The following PYROXD1 variants were observed in gnomAD, a reference collection of about 807,000 sequenced individuals.
PYROXD1 encodes the protein pyridine nucleotide-disulphide oxidoreductase domain 1, also known as tRNA ligase complex-associated NAD(P)H dehydrogenase PYROXD1.
Under a neutral mutation model 62.0 loss-of-function variants are expected in PYROXD1, and 42 were observed. That is an observed-to-expected ratio of 0.68 (90% CI 0.53 to 0.88). PYROXD1 has a LOEUF of 0.88. PYROXD1 is among the 40% of genes least tolerant of loss of function. The probability of loss-of-function intolerance (pLI) is 0.00; values close to 1 mark genes in which losing one functional copy is unlikely to be tolerated. For missense variants in PYROXD1, 493 were observed against 604.8 expected, an observed-to-expected ratio of 0.82 and a Z score of 1.94; for synonymous variants, 170 against 206.4, an observed-to-expected ratio of 0.82 and a Z score of 1.51.
intron 6 of PYROXD1, 68 bp downstream of exon 6, chr12:21,455,360 C>A: frequency 2.1e-6 from 2 of 973,082 alleles, no homozygotes; most frequent in Non-Finnish European, 2.8e-6. Flanking sequence ...AAAAGGGCTA[C>A]AAGAAAATTT....
At position 21,468,544 on chromosome 12, in the gene PYROXD1, T is replaced by C. The variant is rs886237484; in HGVS notation, c.1293T>C (p.Gly431=). ...GAAAATACAATGCACAGGGCTTAGG[T>C]TCAGATCATGAATTAATGCTGAGAT... ...LLGKYNAQGL[G]SDHELMLRCT... Residue 431 remains glycine, a synonymous_variant, in exon 12 of 12, where the codon GGT becomes GGC. Transcript: ENST00000240651. 2.5e-6 allele frequency: 4 copies of C among 1,612,732 alleles called. No individual in the cohort carries two copies. Among genetic ancestry groups the C allele is most frequent in the Non-Finnish European group, 3.4e-6 (4 of 1,179,170 alleles).
chr12:21,469,094 G>A lies in PYROXD1; in HGVS notation c.*340G>A. The A allele has an allele frequency of 1.1e-5, 2 of 179,908 alleles. No individual in the cohort carries two copies. The highest frequency in any genetic ancestry group is 2.3e-5 in the Non-Finnish European group (2 of 85,120). 11.1% of individuals were successfully genotyped at this position (179,908 alleles called of 1,614,324 possible). On this transcript the variant is annotated 3_prime_UTR_variant, in exon 12 of 12. Coordinates refer to ENST00000240651, the MANE Select transcript of PYROXD1 (RefSeq NM_024854.5). Reference sequence around the variant, plus strand: ...TAGCCAAATGTACTCTAGTAGACTAGAACCATTCTTTGTGAAATGTCAAAA... The same window carrying A: ...TAGCCAAATGTACTCTAGTAGACTAAAACCATTCTTTGTGAAATGTCAAAA...
intron 3 of PYROXD1, among the ~76,000 whole-genome samples, chr12:21,445,913 G>T (rs548758072): frequency 6.8e-4 from 103 of 152,216 alleles, no homozygotes; most frequent in African/African-American, 2.4e-3. Flanking sequence ...TAAAATGAGG[G>T]GGGTATTAAC....
chr12:21,462,400 A>G (rs1345056463), intron 9 of PYROXD1, among the ~76,000 whole-genome samples: 1 of 152,174 alleles, frequency 6.6e-6, no homozygotes, highest in Non-Finnish European at 1.5e-5. Context: ...GTGACTTCTC[A>G]AAAATGATTC....
At chr12:21,442,401 G>T (rs1292848597) in intron 2 of PYROXD1, among the ~76,000 whole-genome samples, 3 of 152,234 alleles carry the variant, frequency 2.0e-5, no homozygotes, top group African/African-American at 7.2e-5. Flanking sequence ...CAGAGTTACA[G>T]CAGCTTCAGT....
chr12:21,468,388 A>G, intron 11 of PYROXD1, 118 bp from the exon 12 acceptor site: 1 of 883,776 alleles, frequency 1.1e-6, no homozygotes, highest in East Asian at 2.6e-5. Context: ...TAACATTTTT[A>G]GTTATGAAAT....
Position 21,445,385 on chromosome 12 carries a change from A to G in PYROXD1, c.204A>G (p.Gln68=), listed in dbSNP as rs769733441. The change falls in exon 3 of 12, where the codon CAA becomes CAG. Residue 68 remains glutamine, a synonymous_variant. Coordinates refer to ENST00000240651, the MANE Select transcript of PYROXD1 (RefSeq NM_024854.5). ...KILEEFDVEE[Q]SSTMLGKRFP... ...TGGAAGAATTCGATGTTGAAGAACAATCAAGTACCATGTTAGGAAAACGCT... is the reference window on the plus strand; with the variant it reads ...TGGAAGAATTCGATGTTGAAGAACAGTCAAGTACCATGTTAGGAAAACGCT... 1 of 1,609,120 alleles carries G rather than the reference A, an allele frequency of 6.2e-7. No homozygotes were observed. Among genetic ancestry groups the G allele is most frequent in the Admixed American group, 1.7e-5 (1 of 59,178 alleles).
At chr12:21,450,716 CTTAATAA>C (rs1942480137) in intron 4 of PYROXD1, among the ~76,000 whole-genome samples, 1 of 152,204 alleles carries the variant, frequency 6.6e-6, no homozygotes, top group African/African-American at 2.4e-5. Context: ...AGCCTATTCT[CTTAATAA>C]TTAGGAATTG....
At chr12:21,447,144 A>G (rs1591940929) in intron 3 of PYROXD1, among the ~76,000 whole-genome samples, 1 of 152,184 alleles carries the variant, frequency 6.6e-6, no homozygotes, top group African/African-American at 2.4e-5. Flanking sequence ...TAAGATGAGA[A>G]GTAGATTTGT....
Position 21,437,720 on chromosome 12 carries a change from A to G in PYROXD1, c.-11A>G. 1 of 1,610,110 alleles carries G rather than the reference A, an allele frequency of 6.2e-7. No individual in the cohort carries two copies. Among genetic ancestry groups the G allele is most frequent in the Non-Finnish European group, 8.5e-7 (1 of 1,178,662 alleles). ...CCGCGATATTCAGTAAACCACTGGG[A>G]GTCCGGCAGCATGGAGGCAGCGCGC... On this transcript the variant is annotated 5_prime_UTR_variant, in exon 1 of 12. Transcript: ENST00000240651.
At chr12:21,450,911 G>T (rs181531422) in intron 4 of PYROXD1, among the ~76,000 whole-genome samples, 93 of 152,284 alleles carry the variant, frequency 6.1e-4, no homozygotes, top group Non-Finnish European at 1.1e-3. Context: ...CTGAGGTCAA[G>T]AGATTAAGTA....
chr12:21,467,771 A>G (rs952310228), intron 11 of PYROXD1, among the ~76,000 whole-genome samples, 153 bp downstream of exon 11: 1 of 151,994 alleles, frequency 6.6e-6, no homozygotes, highest in Non-Finnish European at 1.5e-5. Context: ...AATACCTGGT[A>G]TTATTGCTAG....
intron 11 of PYROXD1, 85 bp downstream of exon 11, chr12:21,467,703 A>C: frequency 9.4e-7 from 1 of 1,066,392 alleles, no homozygotes; most frequent in South Asian, 1.7e-5. Context: ...GCTTGAATAA[A>C]AACGTACATA....
rs762414464 is a variant in PYROXD1, at chr12:21,449,643, T to C, written c.366T>C (p.Cys122=). The C allele has an allele frequency of 1.2e-6, 2 of 1,613,346 alleles. No homozygotes were observed. The highest frequency in any genetic ancestry group is 1.7e-6 in the Non-Finnish European group (2 of 1,179,442). The change falls in exon 4 of 12, where the codon TGT becomes TGC. Residue 122 remains cysteine (C), a synonymous_variant. Transcript: ENST00000240651. The part of the protein sequence containing the change: ...LCAGAKPKLI[C]EGNPYVLGIR... Reference sequence around the variant, plus strand: ...CTGGAGCTAAACCAAAGTTGATATGTGAAGGAAATCCTTATGTATTAGGAA... The same window carrying C: ...CTGGAGCTAAACCAAAGTTGATATGCGAAGGAAATCCTTATGTATTAGGAA...
At chr12:21,452,434 C>A (rs1379167203) in intron 5 of PYROXD1, among the ~76,000 whole-genome samples, 1 of 151,648 alleles carries the variant, frequency 6.6e-6, no homozygotes, top group Non-Finnish European at 1.5e-5. Context: ...CAAATTTGGC[C>A]CATAAATGTG....
rs151083272 is a variant in PYROXD1 at position 21,440,387 on chromosome 12, C to T, written c.104C>T (p.Ser35Leu). The T allele has an allele frequency of 9.8e-5, 156 of 1,594,632 alleles. 1 individual carries two copies. The highest frequency in any genetic ancestry group is 3.2e-4 in the Admixed American group (18 of 57,080). ...CAEQLATHFP[S>L]EDILLVTASP... is the part of the protein sequence containing the mutation. ...AATAAGTTGGCTACTCACTTTCCAT[C>T]GGAAGATATTCTCTTGGTAACAGCT... is the stretch of plus-strand genomic sequence containing the variant. Residue 35 changes from serine (S) to leucine (L), a missense_variant, in exon 2 of 12, where the codon TCG (serine) becomes TTG (leucine). Transcript: ENST00000240651.
At chr12:21,462,228 T>C in intron 9 of PYROXD1, 108 bp downstream of exon 9, 1 of 658,772 alleles carries the variant, frequency 1.5e-6, no homozygotes. Context: ...AACTGTAACT[T>C]AACATGGTTG....
rs963024528 is a variant in PYROXD1 at position 21,469,390 on chromosome 12, G to C, written c.*636G>C. On this transcript the variant is annotated 3_prime_UTR_variant, in exon 12 of 12. Transcript: ENST00000240651. ...TTTCTTGCAATTTTTTTTTTTTTAAGCTCATCAGCTATCGTCAGTGTTAGC... is the reference window on the plus strand; with the variant it reads ...TTTCTTGCAATTTTTTTTTTTTTAACCTCATCAGCTATCGTCAGTGTTAGC... The C allele has an allele frequency of 6.7e-6, 1 of 149,778 alleles. No individual in the cohort carries two copies. Among genetic ancestry groups the C allele is most frequent in the Non-Finnish European group, 1.5e-5 (1 of 67,642 alleles). The allele number at this position is 149,778 out of a possible 1,614,324, so 9.3% of individuals were successfully genotyped here.
At position 21,449,641 on chromosome 12, in the gene PYROXD1, T is replaced by C. The variant is rs531545980; in HGVS notation, c.364T>C (p.Cys122Arg). ...LCAGAKPKLICEGNPYVLGIR... is the reference protein window; with the variant it reads ...LCAGAKPKLIREGNPYVLGIR... Reference sequence around the variant, plus strand: ...TGCTGGAGCTAAACCAAAGTTGATATGTGAAGGAAATCCTTATGTATTAGG... The same window carrying C: ...TGCTGGAGCTAAACCAAAGTTGATACGTGAAGGAAATCCTTATGTATTAGG... Residue 122 changes from cysteine to arginine, a missense_variant, in exon 4 of 12, where the codon TGT becomes CGT. By Grantham distance (180) the Cys-to-Arg change is radical (BLOSUM62 -3). Coordinates refer to ENST00000240651, the MANE Select transcript of PYROXD1 (RefSeq NM_024854.5). The C allele has an allele frequency of 2.9e-5, 47 of 1,613,312 alleles. No individual in the cohort carries two copies. In the South Asian group the frequency reaches 4.2e-4, roughly 14 times the overall value.
Sources: gnomAD v4.1 joint callset for allele counts (sites outside exome capture counted in the v4.1 genomes callset) on GRCh38, gnomAD v4.1.1 for gene constraint, MANE v1.5 for transcripts, NCBI Gene and HGNC (gene_info 2026-07-23, HGNC 2026-07-21) for gene names.